Variants in KCNC2 observed in about 807,000 individuals in gnomAD.
KCNC2 encodes the protein voltage-gated potassium channel KCNC2.
KCNC2 carries 21 observed loss-of-function variants against 44.5 expected under a neutral mutation model. The observed-to-expected ratio is 0.47, with a 90% confidence interval of 0.33 to 0.68. The LOEUF is 0.68. KCNC2 is among the 30% of genes least tolerant of loss of function. The pLI, the probability that KCNC2 is intolerant of heterozygous loss-of-function variation, is 0.01. For missense variants in KCNC2, 589 were observed against 826.2 expected, an observed-to-expected ratio of 0.71 and a Z score of 3.52; for synonymous variants, 391 against 339.1, an observed-to-expected ratio of 1.15 and a Z score of -1.68.
intron 2 of KCNC2, among the ~76,000 whole-genome samples, chr12:75,148,507 T>C (rs112315452): frequency 5.9e-5 from 9 of 152,238 alleles, no homozygotes; most frequent in African/African-American, 2.2e-4. Context: ...TATGTCTTCC[T>C]ATTTATTTTC....
At chr12:75,052,625 A>C (rs911919622) in intron 2 of KCNC2, among the ~76,000 whole-genome samples, 1 of 152,146 alleles carries the variant, frequency 6.6e-6, no homozygotes, top group Non-Finnish European at 1.5e-5. Flanking sequence ...CTTGAAAATA[A>C]TAGAATGTAT....
intron 2 of KCNC2, among the ~76,000 whole-genome samples, chr12:75,098,755 C>CA (rs1886138794): frequency 1.2e-5 from 1 of 80,294 alleles, no homozygotes; most frequent in African/African-American, 6.0e-5. Flanking sequence ...GAGACTCTGT[C>CA]TTAAATAAAT....
intron 2 of KCNC2, among the ~76,000 whole-genome samples, chr12:75,157,720 A>G (rs1890857993): frequency 6.6e-6 from 1 of 151,898 alleles, no homozygotes; most frequent in Non-Finnish European, 1.5e-5. Flanking sequence ...AGAGAAAAGG[A>G]ATTTAAGATG....
intron 2 of KCNC2, among the ~76,000 whole-genome samples, chr12:75,085,081 G>C (rs575433156): frequency 2.6e-5 from 4 of 151,882 alleles, no homozygotes; most frequent in African/African-American, 9.6e-5. Flanking sequence ...AATTGATTAA[G>C]CATCATTCTG....
intron 2 of KCNC2, among the ~76,000 whole-genome samples, chr12:75,068,368 C>T (rs1223198847): frequency 6.6e-6 from 1 of 152,082 alleles, no homozygotes; most frequent in East Asian, 1.9e-4. Flanking sequence ...TCTCAATCAG[C>T]GAAGCAAGAG....
At chr12:75,069,573 G>A (rs1883194571) in intron 2 of KCNC2, among the ~76,000 whole-genome samples, 1 of 152,018 alleles carries the variant, frequency 6.6e-6, no homozygotes, top group Admixed American at 6.6e-5. Flanking sequence ...ACAAATTTTG[G>A]TGGTTTATAG....
Position 75,042,983 on chromosome 12 carries a change from T to C in KCNC2, c.*122A>G. 7.0e-7 allele frequency: 1 copy of C among 1,438,794 alleles called. No homozygotes were observed. The highest frequency in any genetic ancestry group is 9.1e-7 in the Non-Finnish European group (1 of 1,095,242). 89.1% of individuals were successfully genotyped at this position (1,438,794 alleles called of 1,614,324 possible). A position where few individuals can be genotyped will look rare whatever the true frequency, so the allele number is the denominator to read the frequency against. On this transcript the variant is annotated 3_prime_UTR_variant, in exon 5 of 5. Coordinates refer to ENST00000549446, the MANE Select transcript of KCNC2 (RefSeq NM_139137.4). The stretch of plus-strand genomic sequence containing the variant: ...TTTCTGACTTCAAATTGTAGTATCA[T>C]GCAAGATTTATACTGTATTAATGGA...
chr12:75,195,693 G>C (rs1565686202), intron 2 of KCNC2, among the ~76,000 whole-genome samples: 1 of 152,118 alleles, frequency 6.6e-6, no homozygotes, highest in East Asian at 1.9e-4. Flanking sequence ...CTAAACTGTG[G>C]CCCTCTTGAA....
chr12:75,098,974 G>T (rs1424569975), intron 2 of KCNC2, among the ~76,000 whole-genome samples: 1 of 152,082 alleles, frequency 6.6e-6, no homozygotes, highest in East Asian at 1.9e-4. Flanking sequence ...CTGATTCATT[G>T]TTTGACCTTG....
intron 4 of KCNC2, chr12:75,043,548 G>T: frequency 1.7e-6 from 2 of 1,189,992 alleles, no homozygotes; most frequent in Non-Finnish European, 2.1e-6. Context: ...TAAAAATTAG[G>T]CAAAGCAACT....
chr12:75,054,860 A>G (rs1881572708), intron 2 of KCNC2, among the ~76,000 whole-genome samples: 1 of 152,194 alleles, frequency 6.6e-6, no homozygotes, highest in Non-Finnish European at 1.5e-5. Context: ...AGTGGCTTTG[A>G]GGACTCAGAA....
chr12:75,192,237 A>T (rs1341853157), intron 2 of KCNC2, among the ~76,000 whole-genome samples: 4 of 152,190 alleles, frequency 2.6e-5, no homozygotes, highest in African/African-American at 7.2e-5. Flanking sequence ...TTGCTGCCGC[A>T]ACATCCATTC....
intron 2 of KCNC2, among the ~76,000 whole-genome samples, chr12:75,205,586 C>A (rs1428366446): frequency 6.6e-6 from 1 of 152,036 alleles, no homozygotes; most frequent in African/African-American, 2.4e-5. Flanking sequence ...ATCTGGCCTA[C>A]AATAAGATGT....
intron 2 of KCNC2, among the ~76,000 whole-genome samples, chr12:75,090,665 TTG>T (rs1196350045): frequency 2.0e-5 from 3 of 151,748 alleles, no homozygotes; most frequent in Admixed American, 6.6e-5. Flanking sequence ...ATCCATGTCT[TTG>T]TGACCCTCAC....
At chr12:75,062,635 T>C (rs1882456017) in intron 2 of KCNC2, among the ~76,000 whole-genome samples, 1 of 152,084 alleles carries the variant, frequency 6.6e-6, no homozygotes, top group Non-Finnish European at 1.5e-5. Flanking sequence ...ACTGAGTGCT[T>C]CCTTTCCCAG....
chr12:75,100,371 T>C (rs1310121322), intron 2 of KCNC2, among the ~76,000 whole-genome samples: 1 of 152,088 alleles, frequency 6.6e-6, no homozygotes, highest in African/African-American at 2.4e-5. Flanking sequence ...TAACTCCTTA[T>C]TATCTCTGTG....
intron 2 of KCNC2, among the ~76,000 whole-genome samples, chr12:75,186,287 C>G (rs1892942990): frequency 6.6e-6 from 1 of 151,850 alleles, no homozygotes. Flanking sequence ...CATCTTGTGC[C>G]TCTGCACACC....
At chr12:75,128,432 C>T (rs149050184) in intron 2 of KCNC2, among the ~76,000 whole-genome samples, 11 of 152,182 alleles carry the variant, frequency 7.2e-5, no homozygotes, top group Middle Eastern at 3.4e-3. Flanking sequence ...AAAAACAATA[C>T]TTGGAGAATT....
chr12:75,198,055 G>T (rs1160607913), intron 2 of KCNC2, among the ~76,000 whole-genome samples: 1 of 151,424 alleles, frequency 6.6e-6, no homozygotes, highest in Admixed American at 6.6e-5. Flanking sequence ...AAAACATGAG[G>T]CAATTAATTA....
Sources: gnomAD v4.1 joint callset for allele counts (sites outside exome capture counted in the v4.1 genomes callset) on GRCh38, gnomAD v4.1.1 for gene constraint, MANE v1.5 for transcripts, NCBI Gene and HGNC (gene_info 2026-07-23, HGNC 2026-07-21) for gene names.